Variants in CADPS2 observed in about 807,000 individuals in gnomAD.
CADPS2 encodes calcium-dependent secretion activator 2.
Under a neutral mutation model 172.5 loss-of-function variants are expected in CADPS2, and 93 were observed. The observed-to-expected ratio is 0.54, with a 90% CI of 0.46 to 0.64. The LOEUF is 0.64. CADPS2 is among the 30% of genes least tolerant of loss of function. The pLI, the probability that CADPS2 is intolerant of heterozygous loss-of-function variation, is 0.00. For missense variants in CADPS2, 1,420 were observed against 1,565.9 expected (o/e 0.91, Z 1.57); for synonymous variants, 546 against 555.2 (o/e 0.98, Z 0.23).
At chr7:122,596,319 T>C (rs2071774190) in intron 6 of CADPS2, among the ~76,000 whole-genome samples, 1 of 152,140 alleles carries the variant, frequency 6.6e-6, no homozygotes, top group Non-Finnish European at 1.5e-5. Flanking sequence ...ACTGCTATGA[T>C]CTATGTTTCT....
chr7:122,568,336 G>T (rs1199714289), intron 7 of CADPS2, among the ~76,000 whole-genome samples: 3 of 152,012 alleles, frequency 2.0e-5, no homozygotes, highest in Admixed American at 2.0e-4. Flanking sequence ...GATAAAGAAG[G>T]TCATTTCATA....
intron 5 of CADPS2, among the ~76,000 whole-genome samples, chr7:122,616,530 G>C (rs939673315): frequency 7.9e-5 from 12 of 152,032 alleles, no homozygotes; most frequent in African/African-American, 2.9e-4. Flanking sequence ...TGATCACTCA[G>C]TTATTTATCA....
chr7:122,851,834 T>G (rs1813724747), intron 1 of CADPS2, among the ~76,000 whole-genome samples: 1 of 152,024 alleles, frequency 6.6e-6, no homozygotes, highest in Non-Finnish European at 1.5e-5. Context: ...CCACAACACA[T>G]GGGAATTATG....
chr7:122,444,887 T>G (rs1203580471), intron 15 of CADPS2, among the ~76,000 whole-genome samples: 1 of 152,200 alleles, frequency 6.6e-6, no homozygotes, highest in Non-Finnish European at 1.5e-5. Flanking sequence ...ACACAGATTT[T>G]TCACCCAAGT....
chr7:122,839,888 T>G (rs1809871748), intron 1 of CADPS2, among the ~76,000 whole-genome samples: 1 of 152,228 alleles, frequency 6.6e-6, no homozygotes, highest in Non-Finnish European at 1.5e-5. Context: ...CTCAAGGATC[T>G]AAAACTAGAA....
At chr7:122,657,227 T>C (rs1209049245) in intron 3 of CADPS2, among the ~76,000 whole-genome samples, 2 of 152,230 alleles carry the variant, frequency 1.3e-5, no homozygotes, top group African/African-American at 4.8e-5. Context: ...TAGTATAGTT[T>C]GAAATCAGGT....
intron 14 of CADPS2, among the ~76,000 whole-genome samples, chr7:122,471,004 T>A (rs2152154954): frequency 6.6e-6 from 1 of 152,326 alleles, no homozygotes; most frequent in East Asian, 1.9e-4. Flanking sequence ...GATCATTAGT[T>A]ACACACAGAC....
intron 11 of CADPS2, among the ~76,000 whole-genome samples, chr7:122,487,314 A>G (rs2057919924): frequency 6.6e-6 from 1 of 152,084 alleles, no homozygotes; most frequent in African/African-American, 2.4e-5. Flanking sequence ...CCGGCCAAAC[A>G]TAACTTTTAT....
intron 3 of CADPS2, among the ~76,000 whole-genome samples, chr7:122,657,416 C>T (rs1475745675): frequency 2.0e-5 from 3 of 152,092 alleles, no homozygotes; most frequent in Non-Finnish European, 4.4e-5. Flanking sequence ...GCCATTTTCA[C>T]GATATTGATT....
Position 122,345,655 on chromosome 7 carries a change from G to A in CADPS2, c.3531C>T (p.Thr1177=). ...VPKPGMDLAD[T]YIMFVRQNQD... is the part of the protein sequence containing the mutation. The stretch of plus-strand genomic sequence containing the variant: ...GGTTTTGCCGAACAAACATAATATA[G>A]GTGTCTGCCAGATCCATTCCTGGTT... The change falls in exon 28 of 30, where the codon ACC becomes ACT. Residue 1177 remains threonine, a synonymous_variant. Coordinates refer to ENST00000449022, the MANE Select transcript of CADPS2 (RefSeq NM_017954.11). 1.2e-6 allele frequency: 2 copies of A among 1,612,656 alleles called. No individual in the cohort carries two copies. Among genetic ancestry groups the A allele is most frequent in the Non-Finnish European group, 1.7e-6 (2 of 1,179,084 alleles).
intron 1 of CADPS2, among the ~76,000 whole-genome samples, chr7:122,794,821 C>CA (rs1156370980): frequency 2.0e-5 from 3 of 150,276 alleles, no homozygotes; most frequent in Admixed American, 2.0e-4. Context: ...GAAATTCACT[C>CA]AAAACCATAC....
intron 4 of CADPS2, among the ~76,000 whole-genome samples, chr7:122,625,301 C>T (rs2075983190): frequency 6.6e-6 from 1 of 152,146 alleles, no homozygotes; most frequent in Non-Finnish European, 1.5e-5. Context: ...CCGCCCGCCT[C>T]AGCCTCCCAA....
intron 7 of CADPS2, among the ~76,000 whole-genome samples, chr7:122,561,694 T>C (rs1165870095): frequency 3.3e-5 from 5 of 152,176 alleles, no homozygotes; most frequent in Non-Finnish European, 5.9e-5. Flanking sequence ...ACATTTTTTT[T>C]CACCAGTTTT....
At chr7:122,409,849 G>A (rs2047090588) in intron 19 of CADPS2, among the ~76,000 whole-genome samples, 1 of 152,156 alleles carries the variant, frequency 6.6e-6, no homozygotes, top group African/African-American at 2.4e-5. Flanking sequence ...GTCTCCACCA[G>A]GGAGGAGAAA....
chr7:122,598,123 C>G (rs181206958), intron 6 of CADPS2, among the ~76,000 whole-genome samples: 1 of 151,824 alleles, frequency 6.6e-6, no homozygotes, highest in African/African-American at 2.4e-5. Flanking sequence ...TTTGTGAGTC[C>G]TTATTTCCAT....
At position 122,407,528 on chromosome 7, in the gene CADPS2, G is replaced by A. The variant is rs756615737; in HGVS notation, c.2746+12C>T. Reference sequence around the variant, plus strand: ...CCCCATTTCACATATGAAAGAAAACGCAAATGCTCACTGTCATTTCGGAGG... The same window carrying A: ...CCCCATTTCACATATGAAAGAAAACACAAATGCTCACTGTCATTTCGGAGG... On this transcript the variant is annotated intron_variant, in intron 20 of 29. Coordinates refer to ENST00000449022, the MANE Select transcript of CADPS2 (RefSeq NM_017954.11). 7 of 1,605,164 alleles carry A rather than the reference G, an allele frequency of 4.4e-6. No homozygotes were observed. The highest frequency in any genetic ancestry group is 1.3e-5 in the African/African-American group (1 of 74,460).
At chr7:122,852,016 C>A (rs1359936947) in intron 1 of CADPS2, among the ~76,000 whole-genome samples, 4 of 152,180 alleles carry the variant, frequency 2.6e-5, no homozygotes, top group Admixed American at 6.5e-5. Context: ...GAGGCATAAG[C>A]CATGGTCAAA....
intron 11 of CADPS2, among the ~76,000 whole-genome samples, chr7:122,482,777 G>A (rs1448787533): frequency 1.3e-5 from 2 of 152,082 alleles, no homozygotes; most frequent in African/African-American, 4.8e-5. Flanking sequence ...TCAGAAGGGT[G>A]ATAGTAACTA....
intron 9 of CADPS2, among the ~76,000 whole-genome samples, chr7:122,492,310 G>C (rs961041280): frequency 4.6e-5 from 7 of 152,144 alleles, no homozygotes; most frequent in Admixed American, 3.3e-4. Flanking sequence ...ATTTTGGGCA[G>C]CCAGTGACAA....
Sources: allele counts gnomAD v4.1 joint callset (sites outside exome capture counted in the v4.1 genomes callset), GRCh38; gene constraint gnomAD v4.1.1; transcripts MANE v1.5; gene names NCBI Gene and HGNC (gene_info 2026-07-23, HGNC 2026-07-21).